Variants in SCHIP1 observed in about 807,000 individuals in gnomAD.
The protein encoded by SCHIP1 is schwannomin interacting protein 1.
In SCHIP1, 8 loss-of-function variants were observed where a neutral mutation model predicts 29.7. The ratio of observed to expected loss-of-function variants is 0.27; its 90% CI spans 0.16 to 0.49. SCHIP1 has a LOEUF of 0.49. Ranked by LOEUF, SCHIP1 falls within the 20% of genes least tolerant of loss-of-function variation. SCHIP1 has a pLI of 0.99. For missense variants in SCHIP1, 193 were observed against 294.6 expected, an observed-to-expected ratio of 0.66 and a Z score of 2.52; for synonymous variants, 76 against 94.9, an observed-to-expected ratio of 0.80 and a Z score of 1.16.
At chr3:159,657,093 C>A in the SCHIP1 span, among the ~76,000 whole-genome samples, 1 of 152,130 alleles carries the variant, frequency 6.6e-6, no homozygotes, top group Non-Finnish European at 1.5e-5. Flanking sequence ...CCTGTACTAC[C>A]ACATGTGCTA....
the SCHIP1 span, among the ~76,000 whole-genome samples, chr3:159,792,773 A>G: frequency 6.6e-6 from 1 of 152,082 alleles, no homozygotes; most frequent in African/African-American, 2.4e-5. Context: ...TGGTTTTCAT[A>G]TTTACTTACA....
chr3:159,382,207 A>G, the SCHIP1 span, among the ~76,000 whole-genome samples: 2 of 142,682 alleles, frequency 1.4e-5, no homozygotes, highest in Admixed American at 1.5e-4. Flanking sequence ...TGCTGCACCC[A>G]TTAACTCCTC....
At chr3:159,322,546 A>T in the SCHIP1 span, among the ~76,000 whole-genome samples, 1 of 152,128 alleles carries the variant, frequency 6.6e-6, no homozygotes, top group Non-Finnish European at 1.5e-5. Flanking sequence ...GGCGCAACTG[A>T]GTCTACGGCC....
the SCHIP1 span, among the ~76,000 whole-genome samples, chr3:159,828,388 C>CATATATATGT: frequency 0.075 from 4,876 of 65,136 alleles, 324 homozygotes; most frequent in Middle Eastern, 0.17. Flanking sequence ...TATATATATA[C>CATATATATGT]ATATATACGT....
the SCHIP1 span, among the ~76,000 whole-genome samples, chr3:159,732,987 G>A: frequency 1.3e-5 from 2 of 152,202 alleles, no homozygotes; most frequent in Non-Finnish European, 2.9e-5. Flanking sequence ...GGGGGTGCAT[G>A]TGTGAAGCAC....
At chr3:159,687,348 C>G in the SCHIP1 span, among the ~76,000 whole-genome samples, 1 of 151,966 alleles carries the variant, frequency 6.6e-6, no homozygotes. Context: ...GCTTCTTACC[C>G]ATCTCAGAAA....
At chr3:159,348,046 A>G in the SCHIP1 span, among the ~76,000 whole-genome samples, 8 of 152,318 alleles carry the variant, frequency 5.3e-5, no homozygotes, top group Admixed American at 1.3e-4. Flanking sequence ...CTCAGCATAC[A>G]GTATTCATTT....
the SCHIP1 span, among the ~76,000 whole-genome samples, chr3:159,288,795 A>G: frequency 6.6e-6 from 1 of 152,232 alleles, no homozygotes; most frequent in African/African-American, 2.4e-5. Flanking sequence ...TGAATGAAGC[A>G]ACCTCAAAAT....
the SCHIP1 span, among the ~76,000 whole-genome samples, chr3:159,391,768 A>G: frequency 2.0e-5 from 3 of 152,198 alleles, no homozygotes; most frequent in Admixed American, 6.5e-5. Flanking sequence ...ACACAATAAC[A>G]TAGCTGGATC....
chr3:159,864,583 A>G (rs1479722687), intron 1 of SCHIP1, among the ~76,000 whole-genome samples: 2 of 152,108 alleles, frequency 1.3e-5, no homozygotes, highest in African/African-American at 4.8e-5. Context: ...ATATATAGAC[A>G]GAGATAATCA....
At chr3:159,463,621 A>C in the SCHIP1 span, among the ~76,000 whole-genome samples, 2 of 152,218 alleles carry the variant, frequency 1.3e-5, no homozygotes, top group Middle Eastern at 3.4e-3. Flanking sequence ...TTCCAAAAAT[A>C]CAAGCTAATA....
the SCHIP1 span, among the ~76,000 whole-genome samples, chr3:159,801,566 CCT>C: frequency 6.6e-6 from 1 of 152,024 alleles, no homozygotes; most frequent in African/African-American, 2.4e-5. Flanking sequence ...TAAGTGTGTG[CCT>C]CTGTTTTGGC....
chr3:159,278,449 A>G, the SCHIP1 span, among the ~76,000 whole-genome samples: 1 of 152,210 alleles, frequency 6.6e-6, no homozygotes, highest in Non-Finnish European at 1.5e-5. Flanking sequence ...TCTAGCATAG[A>G]GATACTACAA....
the SCHIP1 span, among the ~76,000 whole-genome samples, chr3:159,419,375 T>C: frequency 1.3e-5 from 2 of 152,212 alleles, no homozygotes; most frequent in African/African-American, 4.8e-5. Context: ...TTTATTTGTG[T>C]GGCTCTCCTG....
chr3:159,767,088 G>A, the SCHIP1 span, among the ~76,000 whole-genome samples: 1 of 152,142 alleles, frequency 6.6e-6, no homozygotes, highest in Non-Finnish European at 1.5e-5. Flanking sequence ...AAGCAAGGAT[G>A]TATACAGAAA....
chr3:159,746,619 C>G, the SCHIP1 span, among the ~76,000 whole-genome samples: 1 of 152,164 alleles, frequency 6.6e-6, no homozygotes, highest in African/African-American at 2.4e-5. Context: ...TAAAATCCTT[C>G]AGATGTCTTT....
the SCHIP1 span, among the ~76,000 whole-genome samples, chr3:159,343,714 A>C: frequency 6.6e-6 from 1 of 152,224 alleles, no homozygotes; most frequent in Admixed American, 6.5e-5. Flanking sequence ...AGAATGAAGA[A>C]AGTATTTCTA....
the SCHIP1 span, among the ~76,000 whole-genome samples, chr3:159,812,653 T>G: frequency 1.3e-5 from 2 of 152,378 alleles, no homozygotes; most frequent in African/African-American, 4.8e-5. Context: ...ATTCTATTTT[T>G]GTTTATATTT....
chr3:159,815,289 C>T, the SCHIP1 span, among the ~76,000 whole-genome samples: 1 of 152,172 alleles, frequency 6.6e-6, no homozygotes, highest in Middle Eastern at 3.2e-3. Flanking sequence ...TGGTTATTTA[C>T]ATTTGGTAAG....
Sources: gnomAD v4.1 joint callset for allele counts (sites outside exome capture counted in the v4.1 genomes callset) on GRCh38, gnomAD v4.1.1 for gene constraint, MANE v1.5 for transcripts, NCBI Gene and HGNC (gene_info 2026-07-23, HGNC 2026-07-21) for gene names.